Variants in ARHGAP27 observed in about 807,000 individuals in gnomAD.
The protein encoded by ARHGAP27 is Rho GTPase activating protein 27, also known as rho GTPase-activating protein 27.
A neutral mutation model predicts 102.0 loss-of-function variants in ARHGAP27; 53 were observed. That is an observed-to-expected ratio of 0.52 (90% CI 0.42 to 0.65). The LOEUF (loss-of-function observed/expected upper bound fraction) is 0.65, where lower values mean the gene tolerates loss of function less well. Ranked by LOEUF, ARHGAP27 falls within the 30% of genes least tolerant of loss-of-function variation. ARHGAP27 has a pLI of 0.00. For missense variants in ARHGAP27, 1,117 were observed against 1,256.2 expected (o/e 0.89, Z 1.68); for synonymous variants, 525 against 542.8 (o/e 0.97, Z 0.46).
rs200571162 is a variant in ARHGAP27, at chr17:45,405,736, C to G, written c.1005G>C (p.Glu335Asp). The part of the protein sequence containing the change: ...ETAWEDEAEN[E>D]PEEELEMQPG... ...GCTGCATCTCCAACTCCTCCTCGGG[C>G]TCGTTCTCGGCCTCGTCCTCCCAGG... The change falls in exon 5 of 20, where the codon GAG becomes GAC. Residue 335 changes from glutamate (E) to aspartate (D), a missense_variant. Transcript: ENST00000685559. 1.2e-6 allele frequency: 2 copies of G among 1,602,364 alleles called. No homozygotes were observed. The highest frequency in any genetic ancestry group is 2.2e-5 in the South Asian group (2 of 90,856).
intron 12 of ARHGAP27, among the ~76,000 whole-genome samples, chr17:45,399,600 GAAAA>G (rs2046193417): frequency 6.6e-6 from 1 of 150,858 alleles, no homozygotes; most frequent in Non-Finnish European, 1.5e-5. Flanking sequence ...TCAAAGAAAA[GAAAA>G]GAAAAGAAAA....
At chr17:45,429,401 G>A in intron 4 of ARHGAP27, 2 of 1,368,432 alleles carry the variant, frequency 1.5e-6, no homozygotes, top group Non-Finnish European at 1.9e-6. Flanking sequence ...AAGCCTCTGG[G>A]CTTCCAGGGA....
rs781617378 is a variant in ARHGAP27, at chr17:45,396,652, C to T, written c.2074+16G>A. 10 of 1,613,184 alleles carry T rather than the reference C, an allele frequency of 6.2e-6. No individual in the cohort carries two copies. Among genetic ancestry groups the T allele is most frequent in the South Asian group, 3.3e-5 (3 of 91,078 alleles). ...GTCCCGGTCCCGGGTCCCCGCCCCC[C>T]GCAGGCCTCGGGTACCTTTGATGTA... On this transcript the variant is annotated intron_variant, in intron 15 of 19. Coordinates refer to ENST00000685559, the MANE Select transcript of ARHGAP27 (RefSeq NM_001282290.2).
intron 4 of ARHGAP27, chr17:45,409,934 G>A: frequency 2.4e-6 from 1 of 412,750 alleles, no homozygotes; most frequent in South Asian, 3.8e-5. Context: ...GCCAGAGGAG[G>A]AGCCAAGAGG....
intron 4 of ARHGAP27, among the ~76,000 whole-genome samples, chr17:45,424,082 C>A (rs2049307439): frequency 6.6e-6 from 1 of 152,204 alleles, no homozygotes; most frequent in Non-Finnish European, 1.5e-5. Flanking sequence ...GACATGGAGG[C>A]CTGGGCAGGG....
Position 45,395,765 on chromosome 17 carries a change from A to T in ARHGAP27, c.2471T>A (p.Met824Lys), listed in dbSNP as rs2045547359. 6.2e-7 allele frequency: 1 copy of T among 1,601,036 alleles called. No homozygotes were observed. Among genetic ancestry groups the T allele is most frequent in the Non-Finnish European group, 8.5e-7 (1 of 1,176,756 alleles). ...TCACCGGCAGAGGTGCTGGAAGAGC[A>T]TCCGCAGAGTGTCGTGGTTGGGAGC... The part of the protein sequence containing the change: ...LPAPNHDTLR[M>K]LFQHLCRVIE... The change falls in exon 19 of 20, where the codon ATG (methionine) becomes AAG (lysine). Residue 824 changes from methionine (M) to lysine (K), a missense_variant. Physicochemically the swap from Met to Lys is moderately conservative, Grantham distance 95. Around this residue, in one of 3 missense-constraint regions of ARHGAP27, gnomAD observed 493 missense variants for 505.5 expected, o/e 0.98. Transcript: ENST00000685559.
chr17:45,403,414 G>A (rs949640026), intron 11 of ARHGAP27, among the ~76,000 whole-genome samples: 1 of 152,148 alleles, frequency 6.6e-6, no homozygotes, highest in Non-Finnish European at 1.5e-5. Context: ...ACAAAAATTA[G>A]CCGCACATGG....
At position 45,429,647 on chromosome 17, in the gene ARHGAP27, C is replaced by A; in HGVS notation, c.633G>T (p.Pro211=). 6.3e-7 allele frequency: 1 copy of A among 1,580,548 alleles called. No individual in the cohort carries two copies. The highest frequency in any genetic ancestry group is 8.6e-7 in the Non-Finnish European group (1 of 1,163,096). ...VYEVIQDLHV[P]PPEESAEQVD... The stretch of plus-strand genomic sequence containing the variant: ...CCTGCTCTGCGCTCTCCTCCGGCGG[C>A]GGGACGTGCAAGTCCTGGATGACCT... Residue 211 remains proline, a synonymous_variant, in exon 4 of 20, where the codon CCG becomes CCT. Transcript: ENST00000685559.
intron 4 of ARHGAP27, among the ~76,000 whole-genome samples, chr17:45,425,216 C>T (rs1181880327): frequency 6.6e-6 from 1 of 151,452 alleles, no homozygotes; most frequent in African/African-American, 2.4e-5. Context: ...AGGGTGGCTG[C>T]CCCACCTGGG....
chr17:45,407,481 C>G (rs2047325517), intron 4 of ARHGAP27: 1 of 152,330 alleles, frequency 6.6e-6, no homozygotes, highest in African/African-American at 2.4e-5. Flanking sequence ...GAGATTACTA[C>G]TATTTTCTTT....
chr17:45,405,850 G>T lies in ARHGAP27; in HGVS notation c.891C>A (p.Ser297Arg). 1 of 1,536,394 alleles carries T rather than the reference G, an allele frequency of 6.5e-7. No homozygotes were observed. The highest frequency in any genetic ancestry group is 8.7e-7 in the Non-Finnish European group (1 of 1,146,926). Residue 297 changes from serine to arginine, a missense_variant, in exon 5 of 20, where the codon AGC becomes AGA. Coordinates refer to ENST00000685559, the MANE Select transcript of ARHGAP27 (RefSeq NM_001282290.2). ...SPATSPASVD[S>R]HVSLETEWGQ... ...CCCACTCGGTCTCAAGGCTCACGTG[G>T]CTGTCCACCGAGGCAGGGGAGGTGG...
At position 45,423,994 on chromosome 17, in the gene ARHGAP27, A is replaced by G. The variant is rs1305631379; in HGVS notation, c.657+5629T>C. 2.0e-5 allele frequency among the ~76,000 whole-genome samples: 3 copies of G among 152,220 alleles called. No individual in the cohort carries two copies. The East Asian group carries it at 5.8e-4, about 29-fold the overall frequency. On this transcript the variant is annotated intron_variant, in intron 4 of 19. Coordinates refer to ENST00000685559, the MANE Select transcript of ARHGAP27 (RefSeq NM_001282290.2). ...TTAACTGGGCCAAGGAGGAGAAAGG[A>G]AGGGGGAGGCTGGGATGATTCTGCA...
chr17:45,410,067 G>T, intron 4 of ARHGAP27: 1 of 889,388 alleles, frequency 1.1e-6, no homozygotes, highest in Non-Finnish European at 1.7e-6. Context: ...CTTGCCCCAA[G>T]CTGACCACCT....
rs771138313 is a variant in ARHGAP27, at chr17:45,402,704, C to T, written c.1743+10G>A. 1.1e-4 allele frequency: 170 copies of T among 1,604,296 alleles called. No individual in the cohort carries two copies. The South Asian group carries it at 1.4e-3, about 13-fold the overall frequency. On this transcript the variant is annotated intron_variant, in intron 12 of 19. Transcript: ENST00000685559. ...CCCCTTCCCTCCTTCTCCCCAACCC[C>T]GCCACTCACCTCCAGCACATTCTTC...
chr17:45,395,888 G>C, intron 18 of ARHGAP27, 39 bp from the exon 19 acceptor site: 1 of 1,581,826 alleles, frequency 6.3e-7, no homozygotes, highest in Non-Finnish European at 8.6e-7. Flanking sequence ...AGTCGGAACG[G>C]GAGGTAGGGG....
intron 6 of ARHGAP27, 40 bp from the exon 7 acceptor site, chr17:45,404,721 A>C (rs761354189): frequency 1.0e-5 from 16 of 1,586,032 alleles, no homozygotes; most frequent in Non-Finnish European, 1.7e-6. Context: ...AGCCCAGCTT[A>C]TGAGAGGGGA....
chr17:45,409,946 A>G (rs759439331), intron 4 of ARHGAP27: 5 of 441,238 alleles, frequency 1.1e-5, no homozygotes, highest in African/African-American at 2.1e-5. Context: ...GCCAAGAGGG[A>G]CCTGGCTCTC....
At position 45,423,526 on chromosome 17, in the gene ARHGAP27, T is replaced by C. The variant is rs367731794; in HGVS notation, c.657+6097A>G. On this transcript the variant is annotated intron_variant, in intron 4 of 19. Transcript: ENST00000685559. ...CAGGAAGCACTCCTGGATTTCCCTC[T>C]TGCCAACAAGATTCTGGGAGGGCAG... 8.5e-5 allele frequency among the ~76,000 whole-genome samples: 13 copies of C among 152,292 alleles called. No individual in the cohort carries two copies. The East Asian group carries it at 2.3e-3, about 27-fold the overall frequency.
In ARHGAP27 at chr17:45,396,068, G is replaced by T. The variant is rs1355671662; in HGVS notation, c.2301C>A (p.Ile767=). The change falls in exon 18 of 20, where the codon ATC becomes ATA. Residue 767 remains isoleucine, a synonymous_variant. Coordinates refer to ENST00000685559, the MANE Select transcript of ARHGAP27 (RefSeq NM_001282290.2). ...GAAAGAAGAGCTTCAGGGCTCCGGT[G>T]ATAACGTGGACGTCCTCCCAGCGCC... ...DDGRWEDVHV[I]TGALKLFFRE... The T allele has an allele frequency of 6.2e-7, 1 of 1,613,874 alleles. No homozygotes were observed. The highest frequency in any genetic ancestry group is 1.3e-5 in the African/African-American group (1 of 74,952).
Sources: gnomAD v4.1 joint callset for allele counts (sites outside exome capture counted in the v4.1 genomes callset) on GRCh38, gnomAD v4.1.1 for gene constraint, gnomAD v4.1.1 regional missense constraint, MANE v1.5 for transcripts, NCBI Gene and HGNC (gene_info 2026-07-23, HGNC 2026-07-21) for gene names.